PANX2: variants seen among roughly 807,000 people sequenced by gnomAD.
PANX2 encodes the protein pannexin 2.
Under a neutral mutation model 38.7 loss-of-function variants are expected in PANX2, and 30 were observed. The ratio of observed to expected loss-of-function variants is 0.78; its 90% CI spans 0.58 to 1.05. The LOEUF is 1.05. Among genes scored for constraint, PANX2 ranks in the 50% least tolerant of loss-of-function variants. The pLI is 0.00. For synonymous variants in PANX2, 539 were observed against 472.1 expected, an observed-to-expected ratio of 1.14 and a Z score of -1.84; for missense variants, 880 against 979.3, an observed-to-expected ratio of 0.90 and a Z score of 1.35.
Position 50,171,389 on chromosome 22 carries a change from G to A in PANX2, c.226+433G>A, listed in dbSNP as rs377589883. On this transcript the variant is annotated intron_variant, in intron 1 of 2. Transcript: ENST00000395842. ...GTGGAGCTGCCGGGCAGGGTTCCCA[G>A]GCTGGACTTGGGTGGAAGGAGGGCA... Among the ~76,000 whole-genome samples the A allele has an allele frequency of 8.5e-5, 13 of 152,346 alleles. No homozygotes were observed. The South Asian group carries it at 2.5e-3, about 29-fold the overall frequency.
intron 1 of PANX2, among the ~76,000 whole-genome samples, chr22:50,174,390 G>A (rs529571193): frequency 2.0e-5 from 3 of 152,300 alleles, no homozygotes; most frequent in South Asian, 2.1e-4. Context: ...TCCTGGGGAC[G>A]GCATTCTGAA....
rs2063667286 is a variant in PANX2 at position 50,177,340 on chromosome 22, T to TTCGAGAAGTACC, written c.630_641dup (p.Lys212_Glu215dup). ...GGAGAAGAGCCCGGAGCAGAACCTG[T>TTCGAGAAGTACC]TCGAGAAGTACCTGGAGCGCCGCGG... On this transcript the variant is annotated inframe_insertion, in exon 2 of 3. Coordinates refer to ENST00000395842, the MANE Select transcript of PANX2 (RefSeq NM_052839.4). 6.2e-7 allele frequency: 1 copy of TTCGAGAAGTACC among 1,610,134 alleles called. No individual in the cohort carries two copies. The highest frequency in any genetic ancestry group is 8.5e-7 in the Non-Finnish European group (1 of 1,178,604).
At chr22:50,172,503 A>T (rs1602396942) in intron 1 of PANX2, among the ~76,000 whole-genome samples, 1 of 141,512 alleles carries the variant, frequency 7.1e-6, no homozygotes, top group Admixed American at 7.0e-5. Context: ...GCGATCTGCA[A>T]CCTCCACCTC....
chr22:50,179,403 A>T lies in PANX2; in HGVS notation c.*126A>T. 1.2e-6 allele frequency: 1 copy of T among 827,924 alleles called. No individual in the cohort carries two copies. Among genetic ancestry groups the T allele is most frequent in the South Asian group, 1.7e-5 (1 of 57,906 alleles). 51.3% of individuals were successfully genotyped at this position (827,924 alleles called of 1,614,324 possible). The stretch of plus-strand genomic sequence containing the variant: ...TTCGCCCGCACTGCGCGCATCCCCA[A>T]CCTCTGTCCGCATGCCTGGGGCCTT... On this transcript the variant is annotated 3_prime_UTR_variant, in exon 3 of 3. Transcript: ENST00000395842.
In PANX2 at chr22:50,178,193, G is replaced by GCCCCCCC; in HGVS notation, c.1485_1486insCCCCCCC (p.Ala496ProfsTer13). 13 of 1,465,172 alleles carry GCCCCCCC rather than the reference G, an allele frequency of 8.9e-6. No homozygotes were observed. The highest frequency in any genetic ancestry group is 1.5e-5 in the African/African-American group (1 of 67,984). 90.8% of individuals were successfully genotyped at this position (1,465,172 alleles called of 1,614,324 possible). On this transcript the variant is annotated frameshift_variant, in exon 2 of 3. Transcript: ENST00000395842. LOFTEE classifies it high-confidence loss of function. ...GGCGGAGGGGGCGACCCGGGCCCCG[G>GCCCCCCC]CCCCGCCCCTGCCCCCGCCCCGCCG...
intron 2 of PANX2, 76 bp from the exon 3 acceptor site, chr22:50,178,858 A>C: frequency 7.6e-7 from 1 of 1,314,106 alleles, no homozygotes; most frequent in Non-Finnish European, 1.0e-6. Context: ...CTCCCCCGCC[A>C]GCCTGCACTG....
In PANX2 at chr22:50,175,250, G is replaced by A. The variant is rs182719106; in HGVS notation, c.227-1689G>A. Reference sequence around the variant, plus strand: ...CATCCACCTTGGAGGAGGCCAGGCCGCCCCCTGCCCCAGAGCCAAGGAGCC... The same window carrying A: ...CATCCACCTTGGAGGAGGCCAGGCCACCCCCTGCCCCAGAGCCAAGGAGCC... On this transcript the variant is annotated intron_variant, in intron 1 of 2. Coordinates refer to ENST00000395842, the MANE Select transcript of PANX2 (RefSeq NM_052839.4). Among the ~76,000 whole-genome samples the A allele has an allele frequency of 1.7e-3, 262 of 152,226 alleles. 2 individuals carry two copies. Among genetic ancestry groups the A allele is most frequent in the Non-Finnish European group, 1.7e-3 (114 of 67,994 alleles).
intron 1 of PANX2, among the ~76,000 whole-genome samples, chr22:50,174,635 T>G (rs1186448367): frequency 6.6e-6 from 1 of 152,206 alleles, no homozygotes; most frequent in Non-Finnish European, 1.5e-5. Context: ...CTGTCTGCCC[T>G]GTTGGATGGG....
Position 50,179,123 on chromosome 22 carries a change from A to C in PANX2, c.1880A>C (p.His627Pro), listed in dbSNP as rs2063683025. The change falls in exon 3 of 3, where the codon CAC becomes CCC. Residue 627 changes from histidine to proline, a missense_variant. Physicochemically the swap from His to Pro is moderately conservative, Grantham distance 77. This residue lies in a region of PANX2 where 445 missense variants were observed against 404.3 expected (regional missense o/e 1.10). Coordinates refer to ENST00000395842, the MANE Select transcript of PANX2 (RefSeq NM_052839.4). ...CGAAACGCCACACACCCGCTGCTGC[A>C]CATCAACACGCTGTACGAGGCCCGG... The part of the protein sequence containing the change: ...LSRNATHPLL[H>P]INTLYEAREE... 8.1e-6 allele frequency: 13 copies of C among 1,612,238 alleles called. No individual in the cohort carries two copies. Among genetic ancestry groups the C allele is most frequent in the Middle Eastern group, 1.7e-4 (1 of 6,058 alleles).
intron 1 of PANX2, among the ~76,000 whole-genome samples, chr22:50,175,079 G>A (rs886264525): frequency 2.6e-5 from 4 of 152,192 alleles, no homozygotes; most frequent in Non-Finnish European, 4.4e-5. Context: ...AACTGAGGTC[G>A]GAGTGGCAAG....
At chr22:50,172,665 A>G (rs1192603119) in intron 1 of PANX2, among the ~76,000 whole-genome samples, 3 of 151,868 alleles carry the variant, frequency 2.0e-5, no homozygotes, top group East Asian at 1.9e-4. Flanking sequence ...TCAGCTTCCC[A>G]AAGTGCTGGG....
At chr22:50,173,126 G>A (rs2063642887) in intron 1 of PANX2, among the ~76,000 whole-genome samples, 1 of 152,156 alleles carries the variant, frequency 6.6e-6, no homozygotes, top group South Asian at 2.1e-4. Flanking sequence ...TCGATCTCCT[G>A]ACCTCGTGAT....
At chr22:50,172,910 T>TAGAGACGGGG (rs2063640529) in intron 1 of PANX2, among the ~76,000 whole-genome samples, 3 of 146,272 alleles carry the variant, frequency 2.1e-5, no homozygotes, top group East Asian at 4.4e-4. Flanking sequence ...TTTTTTTTTT[T>TAGAGACGGGG]TTTTGAGACA....
chr22:50,173,496 G>A (rs1356309765), intron 1 of PANX2, among the ~76,000 whole-genome samples: 1 of 152,296 alleles, frequency 6.6e-6, no homozygotes, highest in Non-Finnish European at 1.5e-5. Context: ...CGTGTGGCCA[G>A]CTGCTGTCTC....
intron 1 of PANX2, among the ~76,000 whole-genome samples, chr22:50,176,041 C>T (rs1040563014): frequency 7.2e-5 from 11 of 152,148 alleles, no homozygotes; most frequent in Admixed American, 3.3e-4. Context: ...TGGGCCTCCG[C>T]GCCTGTGCTG....
In PANX2 at chr22:50,178,623, C is replaced by T. The variant is rs184405821; in HGVS notation, c.1690+221C>T. ...CAGGCCAGGCAGGGCCCTGGAGACCCCCCCGGGAGGCAGGTGGGGAAGATG... is the reference window on the plus strand; with the variant it reads ...CAGGCCAGGCAGGGCCCTGGAGACCTCCCCGGGAGGCAGGTGGGGAAGATG... On this transcript the variant is annotated intron_variant, in intron 2 of 2. Coordinates refer to ENST00000395842, the MANE Select transcript of PANX2 (RefSeq NM_052839.4). 1.2e-3 allele frequency among the ~76,000 whole-genome samples: 183 copies of T among 152,350 alleles called. 1 individual carries two copies. The highest frequency in any genetic ancestry group is 1.9e-3 in the Non-Finnish European group (132 of 68,034).
At chr22:50,178,433 G>T (rs1425323955) in intron 2 of PANX2, 31 bp downstream of exon 2, 4 of 1,351,984 alleles carry the variant, frequency 3.0e-6, no homozygotes, top group Non-Finnish European at 1.9e-6. Context: ...AGGGGACGGG[G>T]GACTGGGGGT....
chr22:50,175,557 C>A, intron 1 of PANX2: 1 of 734,352 alleles, frequency 1.4e-6, no homozygotes, highest in Non-Finnish European at 2.0e-6. Flanking sequence ...TTCTCTGAGC[C>A]CAGCTCATCT....
intron 1 of PANX2, chr22:50,175,317 A>G: frequency 2.9e-6 from 1 of 343,220 alleles, no homozygotes; most frequent in Non-Finnish European, 5.5e-6. Context: ...GTCTGGGTCC[A>G]GGGTTCTGGG....
Sources: gnomAD v4.1 joint callset for allele counts (sites outside exome capture counted in the v4.1 genomes callset) on GRCh38, gnomAD v4.1.1 for gene constraint, gnomAD v4.1.1 regional missense constraint, MANE v1.5 for transcripts, NCBI Gene and HGNC (gene_info 2026-07-23, HGNC 2026-07-21) for gene names.